Variants in KCNJ3 observed in about 807,000 individuals in gnomAD.
KCNJ3 encodes the protein G protein-activated inward rectifier potassium channel 1.
Under a neutral mutation model 39.2 loss-of-function variants are expected in KCNJ3, and 4 were observed. The ratio of observed to expected loss-of-function variants is 0.10; its 90% CI spans 0.05 to 0.23. The LOEUF is 0.23. Ranked by LOEUF, KCNJ3 falls within the 10% of genes least tolerant of loss-of-function variation. The probability of loss-of-function intolerance (pLI) is 1.00; values close to 1 mark genes in which losing one functional copy is unlikely to be tolerated. For synonymous variants in KCNJ3, 230 were observed against 237.4 expected (o/e 0.97, Z 0.29); for missense variants, 276 against 634.9 (o/e 0.43, Z 6.08).
intron 2 of KCNJ3, among the ~76,000 whole-genome samples, chr2:154,726,331 T>C (rs1685357823): frequency 6.6e-6 from 1 of 152,108 alleles, no homozygotes; most frequent in Non-Finnish European, 1.5e-5. Flanking sequence ...AAAGAAGATA[T>C]ACAAGAGGTC....
chr2:154,805,268 G>A (rs1446270309), intron 2 of KCNJ3, among the ~76,000 whole-genome samples: 1 of 152,086 alleles, frequency 6.6e-6, no homozygotes, highest in Non-Finnish European at 1.5e-5. Flanking sequence ...TTCTTGTGCT[G>A]ATGAAGTATT....
At chr2:154,716,276 A>ATTT (rs535989708) in intron 2 of KCNJ3, among the ~76,000 whole-genome samples, 9,310 of 115,046 alleles carry the variant, frequency 0.081, 405 homozygotes, top group African/African-American at 0.1. Context: ...CGGCCGGCTA[A>ATTT]TTTTTTTTTT....
chr2:154,783,369 T>C (rs981123398), intron 2 of KCNJ3, among the ~76,000 whole-genome samples: 2 of 152,164 alleles, frequency 1.3e-5, no homozygotes, highest in Non-Finnish European at 2.9e-5. Flanking sequence ...CTGTTCTTTG[T>C]TGGATTCTTT....
At chr2:154,752,147 GTTATC>G (rs1685857650) in intron 2 of KCNJ3, among the ~76,000 whole-genome samples, 2 of 151,886 alleles carry the variant, frequency 1.3e-5, no homozygotes, top group South Asian at 2.1e-4. Context: ...ATAGCTGGAT[GTTATC>G]TTAAGTGCTG....
chr2:154,754,025 T>A (rs1458738179), intron 2 of KCNJ3, among the ~76,000 whole-genome samples: 1 of 152,130 alleles, frequency 6.6e-6, no homozygotes, highest in Non-Finnish European at 1.5e-5. Context: ...TTTTTGCCAG[T>A]TTTCCACCAC....
chr2:154,770,814 G>A (rs1378843407), intron 2 of KCNJ3, among the ~76,000 whole-genome samples: 1 of 151,632 alleles, frequency 6.6e-6, no homozygotes, highest in East Asian at 1.9e-4. Context: ...TGATTTATAT[G>A]ATAAATTTGT....
intron 2 of KCNJ3, among the ~76,000 whole-genome samples, chr2:154,746,611 T>C (rs1201992273): frequency 6.3e-5 from 2 of 31,722 alleles, no homozygotes; most frequent in Admixed American, 4.7e-4. Flanking sequence ...TATACACAGA[T>C]ATATATATAT....
chr2:154,837,011 C>A (rs1486282497), intron 2 of KCNJ3, among the ~76,000 whole-genome samples: 1 of 152,072 alleles, frequency 6.6e-6, no homozygotes, highest in Non-Finnish European at 1.5e-5. Context: ...TAAAGGTGAT[C>A]AATCATAGTT....
chr2:154,799,658 T>C (rs1007590283), intron 2 of KCNJ3, among the ~76,000 whole-genome samples: 3 of 152,176 alleles, frequency 2.0e-5, no homozygotes, highest in Non-Finnish European at 4.4e-5. Flanking sequence ...CAATCTACCA[T>C]TCCAACCATA....
intron 2 of KCNJ3, among the ~76,000 whole-genome samples, chr2:154,791,117 G>T (rs538601837): frequency 1.3e-5 from 2 of 152,138 alleles, no homozygotes; most frequent in South Asian, 2.1e-4. Context: ...CTGTTGGCCG[G>T]TGAGATTTGC....
intron 2 of KCNJ3, among the ~76,000 whole-genome samples, chr2:154,811,619 A>G (rs1687009300): frequency 6.6e-6 from 1 of 152,036 alleles, no homozygotes; most frequent in African/African-American, 2.4e-5. Flanking sequence ...AGAGGGGGAA[A>G]CTTTGTTCCT....
intron 2 of KCNJ3, among the ~76,000 whole-genome samples, chr2:154,810,161 G>A (rs1168017323): frequency 6.6e-6 from 1 of 151,984 alleles, no homozygotes; most frequent in Non-Finnish European, 1.5e-5. Flanking sequence ...TCGGCTCACT[G>A]AGCCTTGACC....
intron 2 of KCNJ3, among the ~76,000 whole-genome samples, chr2:154,764,723 A>G (rs1182343481): frequency 6.6e-6 from 1 of 152,120 alleles, no homozygotes; most frequent in African/African-American, 2.4e-5. Flanking sequence ...AGATCTGGGC[A>G]TAAATCTCAT....
At chr2:154,778,715 CT>C (rs1201604970) in intron 2 of KCNJ3, among the ~76,000 whole-genome samples, 2 of 152,000 alleles carry the variant, frequency 1.3e-5, no homozygotes, top group Admixed American at 6.6e-5. Context: ...TGCATATGCT[CT>C]TTTTGGAAAA....
intron 2 of KCNJ3, among the ~76,000 whole-genome samples, chr2:154,836,800 C>A (rs1162882574): frequency 6.6e-6 from 1 of 152,146 alleles, no homozygotes; most frequent in Non-Finnish European, 1.5e-5. Flanking sequence ...AGAACAACTG[C>A]TGAATTGCAA....
chr2:154,787,688 C>T (rs1686557215), intron 2 of KCNJ3, among the ~76,000 whole-genome samples: 1 of 152,128 alleles, frequency 6.6e-6, no homozygotes, highest in Non-Finnish European at 1.5e-5. Context: ...ATTTCTTACT[C>T]ACTCTTCAAG....
chr2:154,787,939 T>C (rs993532844), intron 2 of KCNJ3, among the ~76,000 whole-genome samples: 11 of 152,192 alleles, frequency 7.2e-5, no homozygotes, highest in Non-Finnish European at 8.8e-5. Context: ...ATCCAACATA[T>C]ATTTGTGTTA....
intron 2 of KCNJ3, among the ~76,000 whole-genome samples, chr2:154,787,258 T>C (rs1372049488): frequency 6.6e-6 from 1 of 152,242 alleles, no homozygotes; most frequent in Non-Finnish European, 1.5e-5. Context: ...AATTGCTTCT[T>C]GAGCTCTGCC....
At chr2:154,711,850 G>T (rs935295291) in intron 2 of KCNJ3, among the ~76,000 whole-genome samples, 1 of 151,962 alleles carries the variant, frequency 6.6e-6, no homozygotes, top group South Asian at 2.1e-4. Context: ...TTGTTTATTA[G>T]AATTATAGAT....
Sources: gnomAD v4.1 joint callset for allele counts (sites outside exome capture counted in the v4.1 genomes callset) on GRCh38, gnomAD v4.1.1 for gene constraint, MANE v1.5 for transcripts, NCBI Gene and HGNC (gene_info 2026-07-23, HGNC 2026-07-21) for gene names.